The following CFAP65 variants were observed in gnomAD, a reference collection of about 807,000 sequenced individuals.
CFAP65 encodes the protein cilia- and flagella-associated protein 65.
CFAP65 carries 155 observed loss-of-function variants against 208.0 expected under a neutral mutation model. The ratio of observed to expected loss-of-function variants is 0.75; its 90% CI spans 0.65 to 0.85. The LOEUF is 0.85. CFAP65 is among the 40% of genes least tolerant of loss of function. The pLI is 0.00. For missense variants in CFAP65, 2,294 were observed against 2,451.3 expected (o/e 0.94, Z 1.36); for synonymous variants, 970 against 986.3 (o/e 0.98, Z 0.31).
At chr2:219,016,379 C>T (rs777769875) in intron 21 of CFAP65, among the ~76,000 whole-genome samples, 1 of 149,336 alleles carries the variant, frequency 6.7e-6, no homozygotes, top group Non-Finnish European at 1.5e-5. Context: ...ACTGCAACCT[C>T]CACCTTCCAG....
chr2:219,023,573 C>T (rs542174437), intron 15 of CFAP65, 142 bp from the exon 16 acceptor site: 1 of 646,834 alleles, frequency 1.5e-6, no homozygotes, highest in African/African-American at 1.8e-5. Flanking sequence ...CGTGTACCGG[C>T]AGTTTCTGTC....
intron 29 of CFAP65, among the ~76,000 whole-genome samples, chr2:219,008,574 A>G (rs566525842): frequency 1.4e-4 from 21 of 152,186 alleles, no homozygotes; most frequent in African/African-American, 4.8e-4. Flanking sequence ...GTGAAACCCC[A>G]TCCCTACTAA....
intron 1 of CFAP65, 180 bp downstream of exon 1, chr2:219,041,308 G>A: frequency 1.8e-6 from 1 of 543,402 alleles, no homozygotes; most frequent in East Asian, 3.1e-5. Context: ...TTCTCTTCGG[G>A]ATCCTTAGTC....
intron 16 of CFAP65, among the ~76,000 whole-genome samples, 160 bp downstream of exon 16, chr2:219,023,047 G>C (rs1253859861): frequency 6.6e-6 from 1 of 152,200 alleles, no homozygotes; most frequent in Admixed American, 6.5e-5. Context: ...AAAATGGTGG[G>C]GGGATGGTGA....
intron 11 of CFAP65, among the ~76,000 whole-genome samples, chr2:219,029,000 G>C (rs1947840145): frequency 6.6e-6 from 1 of 152,190 alleles, no homozygotes; most frequent in Non-Finnish European, 1.5e-5. Context: ...CTAGGGTTGG[G>C]GTCTAACTTG....
chr2:219,014,288 C>A (rs1425540676), intron 21 of CFAP65: 1 of 371,084 alleles, frequency 2.7e-6, no homozygotes, highest in Non-Finnish European at 4.8e-6. Context: ...AAGAGTGGGG[C>A]TCCCACTGTG....
intron 29 of CFAP65, 100 bp from the exon 30 acceptor site, chr2:219,006,609 G>C: frequency 8.6e-7 from 1 of 1,156,414 alleles, no homozygotes; most frequent in Non-Finnish European, 1.3e-6. Context: ...CAAGGCGGGC[G>C]GATCACCTGA....
chr2:219,028,089 G>T, intron 12 of CFAP65, 80 bp from the exon 13 acceptor site: 1 of 1,542,654 alleles, frequency 6.5e-7, no homozygotes, highest in Non-Finnish European at 8.8e-7. Flanking sequence ...CTCCTGTCTA[G>T]AAAGGCTACA....
intron 3 of CFAP65, 57 bp from the exon 4 acceptor site, chr2:219,038,635 G>A: frequency 6.8e-7 from 1 of 1,472,766 alleles, no homozygotes. Context: ...GAGAGGCTGA[G>A]GGAGGAGACT....
intron 10 of CFAP65, 144 bp from the exon 11 acceptor site, chr2:219,029,812 G>A (rs1574630033): frequency 8.5e-7 from 1 of 1,173,724 alleles, no homozygotes; most frequent in East Asian, 2.5e-5. Context: ...GGATGCCAGT[G>A]GGACTGGGAT....
intron 11 of CFAP65, among the ~76,000 whole-genome samples, chr2:219,028,609 C>G (rs997947087): frequency 3.3e-5 from 5 of 152,032 alleles, no homozygotes; most frequent in African/African-American, 1.2e-4. Flanking sequence ...GAGAGAGCAC[C>G]CCGGTCCTTA....
At chr2:219,013,144 G>T in intron 24 of CFAP65, 115 bp downstream of exon 24, 1 of 752,398 alleles carries the variant, frequency 1.3e-6, no homozygotes. Context: ...TGCTGGCCCA[G>T]CCCCTCAATG....
In CFAP65 at chr2:219,032,507, G is replaced by A. The variant is rs1354362863; in HGVS notation, c.608C>T (p.Thr203Ile). 2 of 1,605,570 alleles carry A rather than the reference G, an allele frequency of 1.2e-6. No individual in the cohort carries two copies. Among genetic ancestry groups the A allele is most frequent in the Admixed American group, 1.7e-5 (1 of 58,890 alleles). The change falls in exon 6 of 35, where the codon ACC (threonine) becomes ATC (isoleucine). Residue 203 changes from threonine (T) to isoleucine (I), a missense_variant. Coordinates refer to ENST00000341552, the MANE Select transcript of CFAP65 (RefSeq NM_194302.4). The surrounding 1 kb of genome is among the most constrained non-coding windows in gnomAD (Gnocchi z 5.5). The stretch of plus-strand genomic sequence containing the variant: ...CCGGAAGACGATGGGGAGCGTGAGG[G>A]TTATGCCTGGGCTCAGGAAGATGGG... ...PQPIFLSPGI[T>I]LTLPIVFRPL...
chr2:219,004,210 T>A lies in CFAP65; in HGVS notation c.5297A>T (p.Glu1766Val). The change falls in exon 33 of 35, where the codon GAG (glutamate) becomes GTG (valine). Residue 1766 changes from glutamate (E) to valine (V), a missense_variant. Physicochemically the swap from Glu to Val is moderately radical, Grantham distance 121. This residue lies in a region of CFAP65 where 1,427 missense variants were observed against 1,438.7 expected (regional missense o/e 0.99). Transcript: ENST00000341552. This position sits in a 1 kb window ranked among gnomAD's most constrained non-coding sequence, Gnocchi z 4.7. ...GLGKKEEGEE[E>V]KGEEEEEELE... ...CTCTTCTTCTTCCTCTTCACCCTTCTCCTCCTCCCCCTCTTCCTTCTTTCC... is the reference window on the plus strand; with the variant it reads ...CTCTTCTTCTTCCTCTTCACCCTTCACCTCCTCCCCCTCTTCCTTCTTTCC... The A allele has an allele frequency of 6.2e-7, 1 of 1,613,976 alleles. No individual in the cohort carries two copies. The highest frequency in any genetic ancestry group is 8.5e-7 in the Non-Finnish European group (1 of 1,180,018).
chr2:219,018,721 G>A, intron 21 of CFAP65: 1 of 302,346 alleles, frequency 3.3e-6, no homozygotes, highest in Admixed American at 4.6e-5. Context: ...GATTGGAGGA[G>A]AAAAGACTTG....
chr2:219,021,719 G>A lies in CFAP65; in HGVS notation c.3130+61C>T, dbSNP rs776292115. On this transcript the variant is annotated intron_variant, in intron 18 of 34. Transcript: ENST00000341552. ...TGCCAGTGTGCCCAGCAGGTTAACC[G>A]GTCTTAACCAGTACCTCCTCCCACC... is the stretch of plus-strand genomic sequence containing the variant. 2.6e-5 allele frequency: 41 copies of A among 1,569,152 alleles called. No homozygotes were observed. In the African/African-American group the frequency reaches 3.9e-4, roughly 15 times the overall value.
chr2:219,029,566 G>T lies in CFAP65; in HGVS notation c.1487C>A (p.Thr496Lys), dbSNP rs772946492. 6.2e-7 allele frequency: 1 copy of T among 1,614,008 alleles called. No individual in the cohort carries two copies. Among genetic ancestry groups the T allele is most frequent in the African/African-American group, 1.3e-5 (1 of 74,902 alleles). Residue 496 changes from threonine (T) to lysine (K), a missense_variant, in exon 11 of 35, where the codon ACG becomes AAG. This residue lies in a region of CFAP65 where 867 missense variants were observed against 1,012.6 expected (regional missense o/e 0.86). Transcript: ENST00000341552. ...GTCGATGGCAAACTGGAAGTGGGCCGTGCAGTCCGATTGGTTCTCAATCCA... is the reference window on the plus strand; with the variant it reads ...GTCGATGGCAAACTGGAAGTGGGCCTTGCAGTCCGATTGGTTCTCAATCCA... ...PLWIENQSDC[T>K]AHFQFAIDCL...
Position 219,006,216 on chromosome 2 carries a change from G to A in CFAP65, c.4727C>T (p.Pro1576Leu), listed in dbSNP as rs1466603384. 1.9e-6 allele frequency: 3 copies of A among 1,606,140 alleles called. No homozygotes were observed. Among genetic ancestry groups the A allele is most frequent in the Admixed American group, 3.3e-5 (2 of 59,812 alleles). Residue 1576 changes from proline to leucine, a missense_variant, in exon 31 of 35, where the codon CCT (proline) becomes CTT (leucine). Coordinates refer to ENST00000341552, the MANE Select transcript of CFAP65 (RefSeq NM_194302.4). Reference protein sequence around the residue: ...CEPARKYKTLPPIKNQQSVSR... With the variant: ...CEPARKYKTLLPIKNQQSVSR... ...GACAGACTGCTGGTTCTTGATGGGA[G>A]GCAGTGTCTTTGGGAAGGGAGGGAC...
At chr2:219,037,670 A>G (rs1378277865) in intron 4 of CFAP65, among the ~76,000 whole-genome samples, 1 of 152,202 alleles carries the variant, frequency 6.6e-6, no homozygotes, top group East Asian at 1.9e-4. Context: ...CCTAGCTCAG[A>G]GCAGAGCAGG....
Sources: gnomAD v4.1 joint callset for allele counts (sites outside exome capture counted in the v4.1 genomes callset) on GRCh38, gnomAD v4.1.1 for gene constraint, gnomAD v4.1.1 regional missense constraint, Gnocchi (gnomAD v3.1) non-coding constraint, MANE v1.5 for transcripts, NCBI Gene and HGNC (gene_info 2026-07-23, HGNC 2026-07-21) for gene names.